Variants in CAST observed in about 807,000 individuals in gnomAD.
The protein encoded by CAST is MIR583 host.
Under a neutral mutation model 119.6 loss-of-function variants are expected in CAST, and 76 were observed. The ratio of observed to expected loss-of-function variants is 0.64; its 90% CI spans 0.53 to 0.77. The LOEUF is 0.77. Among genes scored for constraint, CAST ranks in the 30% least tolerant of loss-of-function variants. The probability of loss-of-function intolerance (pLI) is 0.00; values close to 1 mark genes in which losing one functional copy is unlikely to be tolerated. For synonymous variants in CAST, 319 were observed against 331.6 expected (o/e 0.96, Z 0.41); for missense variants, 953 against 946.5 (o/e 1.01, Z -0.09).
chr5:96,681,906 A>G (rs13187079), intron 2 of CAST, among the ~76,000 whole-genome samples: 35,498 of 151,830 alleles, frequency 0.23, 4,380 homozygotes, highest in Non-Finnish European at 0.27. Context: ...CCTCTTTATC[A>G]GCTGTTTCGC....
At chr5:96,095,697 T>C in the CAST span, among the ~76,000 whole-genome samples, 1 of 151,424 alleles carries the variant, frequency 6.6e-6, no homozygotes, top group Non-Finnish European at 1.5e-5. Flanking sequence ...CAAAAAGAAA[T>C]TGCATCTGAA....
chr5:96,553,890 C>T (rs1014492063), intron 1 of CAST, among the ~76,000 whole-genome samples: 10 of 152,174 alleles, frequency 6.6e-5, no homozygotes, highest in Admixed American at 4.6e-4. Flanking sequence ...AACCACTGCT[C>T]AAAGAAATAA....
At chr5:96,550,728 T>G (rs993790883) in intron 1 of CAST, among the ~76,000 whole-genome samples, 1 of 152,188 alleles carries the variant, frequency 6.6e-6, no homozygotes, top group Non-Finnish European at 1.5e-5. Context: ...TTAAATGACC[T>G]GATGGAGCTG....
chr5:96,530,707 A>C (rs920532361), intron 1 of CAST, among the ~76,000 whole-genome samples: 2 of 152,164 alleles, frequency 1.3e-5, no homozygotes, highest in African/African-American at 4.8e-5. Context: ...GAAGGGAGAG[A>C]GGGACCAGTT....
chr5:96,088,241 T>C, the CAST span, among the ~76,000 whole-genome samples: 1 of 152,210 alleles, frequency 6.6e-6, no homozygotes, highest in Non-Finnish European at 1.5e-5. Context: ...TCCATTAATG[T>C]GACTGCAACT....
At chr5:96,652,405 C>A (rs1748106487) in intron 1 of CAST, among the ~76,000 whole-genome samples, 2 of 152,104 alleles carry the variant, frequency 1.3e-5, no homozygotes, top group Non-Finnish European at 2.9e-5. Context: ...TGGTGTAATA[C>A]CATTTTAGCC....
At chr5:95,971,040 G>T in the CAST span, among the ~76,000 whole-genome samples, 1 of 152,168 alleles carries the variant, frequency 6.6e-6, no homozygotes, top group Non-Finnish European at 1.5e-5. Context: ...CCCCTGATGA[G>T]TATACTGAGA....
chr5:96,351,793 A>G, the CAST span, among the ~76,000 whole-genome samples: 3 of 152,208 alleles, frequency 2.0e-5, no homozygotes, highest in Admixed American at 1.3e-4. Context: ...TGCTATAAAA[A>G]TGATCAAATA....
At chr5:96,556,009 A>G (rs1235405599) in intron 1 of CAST, among the ~76,000 whole-genome samples, 1 of 152,188 alleles carries the variant, frequency 6.6e-6, no homozygotes, top group Non-Finnish European at 1.5e-5. Flanking sequence ...CTCTGAGACA[A>G]AACTTCCAGA....
chr5:96,419,384 TTATA>T, the CAST span, among the ~76,000 whole-genome samples: 5 of 144,084 alleles, frequency 3.5e-5, no homozygotes, highest in African/African-American at 5.1e-5. Flanking sequence ...ATAATACTTA[TTATA>T]TATATATATA....
chr5:96,656,725 G>A (rs1221804004), intron 1 of CAST, among the ~76,000 whole-genome samples: 1 of 152,162 alleles, frequency 6.6e-6, no homozygotes, highest in African/African-American at 2.4e-5. Context: ...TGGAGAAGAG[G>A]GATAGAGCAA....
chr5:96,687,706 T>A lies in CAST; in HGVS notation c.139-8130T>A, dbSNP rs565454133. Among the ~76,000 whole-genome samples, 184 of 152,312 alleles carry A rather than the reference T, an allele frequency of 1.2e-3. 1 individual carries two copies. Among genetic ancestry groups the A allele is most frequent in the Middle Eastern group, 3.4e-3 (1 of 294 alleles). ...ATTCTAGAAATATATCATTCTAAAA[T>A]CTGAAATCTACAATTTTGAAGAAAA... On this transcript the variant is annotated intron_variant, in intron 2 of 31. Coordinates refer to ENST00000675179, the MANE Select transcript of CAST (RefSeq NM_001750.7).
At chr5:96,410,699 CAGTT>C in the CAST span, 5 of 1,172,180 alleles carry the variant, frequency 4.3e-6, no homozygotes, top group Non-Finnish European at 6.4e-6. Context: ...TACCAAAGGT[CAGTT>C]AGGGGAATCA....
At chr5:96,542,308 C>CAAAAAAAAAAAAAAAAAA (rs759173589) in intron 1 of CAST, among the ~76,000 whole-genome samples, 1 of 37,092 alleles carries the variant, frequency 2.7e-5, no homozygotes, top group African/African-American at 7.8e-5. Context: ...GACTTAGTCT[C>CAAAAAAAAAAAAAAAAAA]AAAAAAAAAA....
chr5:96,089,600 G>A, the CAST span, among the ~76,000 whole-genome samples: 2 of 152,152 alleles, frequency 1.3e-5, no homozygotes, highest in African/African-American at 4.8e-5. Context: ...AACAAAGAAG[G>A]GGAAGACCAA....
chr5:96,160,988 C>T, the CAST span, among the ~76,000 whole-genome samples: 1 of 152,050 alleles, frequency 6.6e-6, no homozygotes, highest in Non-Finnish European at 1.5e-5. Flanking sequence ...TGTAAGAGCC[C>T]TTTATATATT....
chr5:96,302,238 G>A, the CAST span, among the ~76,000 whole-genome samples: 9 of 152,206 alleles, frequency 5.9e-5, no homozygotes, highest in East Asian at 5.8e-4. Flanking sequence ...GACACAGGGC[G>A]CCATGTCCTG....
the CAST span, among the ~76,000 whole-genome samples, chr5:96,055,594 T>TGCTAA: frequency 0.032 from 4,817 of 152,258 alleles, 260 homozygotes; most frequent in African/African-American, 0.11. Flanking sequence ...CTCCTCACTC[T>TGCTAA]GCTATTATGC....
chr5:96,182,496 C>G, the CAST span, among the ~76,000 whole-genome samples: 1 of 152,236 alleles, frequency 6.6e-6, no homozygotes, highest in East Asian at 1.9e-4. Context: ...CACCTTTAAT[C>G]GTGGAGTCTA....
Sources: allele counts gnomAD v4.1 joint callset (sites outside exome capture counted in the v4.1 genomes callset), GRCh38; gene constraint gnomAD v4.1.1; transcripts MANE v1.5; gene names NCBI Gene and HGNC (gene_info 2026-07-23, HGNC 2026-07-21).